Variants in SMYD3 observed in about 807,000 individuals in gnomAD.
SMYD3 encodes the protein SET and MYND domain containing 3, also known as histone-lysine N-methyltransferase SMYD3.
SMYD3 carries 36 observed loss-of-function variants against 57.7 expected under a neutral mutation model. The observed-to-expected ratio is 0.62, with a 90% confidence interval of 0.48 to 0.82. The LOEUF (loss-of-function observed/expected upper bound fraction) is 0.82. Among genes scored for constraint, SMYD3 ranks in the 40% least tolerant of loss-of-function variants. SMYD3 has a pLI of 0.00. For missense variants in SMYD3, 515 were observed against 538.8 expected (o/e 0.96, Z 0.44); for synonymous variants, 211 against 195.0 (o/e 1.08, Z -0.68).
intron 1 of SMYD3, among the ~76,000 whole-genome samples, chr1:246,357,912 A>C (rs1357476768): frequency 2.6e-5 from 4 of 152,298 alleles, no homozygotes; most frequent in African/African-American, 7.2e-5. Flanking sequence ...TAAAAAAAAC[A>C]CAAGGTATTC....
intron 5 of SMYD3, among the ~76,000 whole-genome samples, chr1:245,982,002 G>T (rs1039801018): frequency 2.0e-5 from 3 of 152,218 alleles, no homozygotes; most frequent in Admixed American, 2.0e-4. Context: ...AGCACGTGGG[G>T]TCTTCTTTTA....
At chr1:246,469,153 C>A (rs2067923632) in intron 1 of SMYD3, among the ~76,000 whole-genome samples, 1 of 152,192 alleles carries the variant, frequency 6.6e-6, no homozygotes, top group African/African-American at 2.4e-5. Flanking sequence ...GTCTCCTTGG[C>A]CACTCACTGG....
intron 7 of SMYD3, among the ~76,000 whole-genome samples, chr1:245,921,270 C>T (rs1430766978): frequency 6.6e-6 from 1 of 151,884 alleles, no homozygotes; most frequent in Non-Finnish European, 1.5e-5. Flanking sequence ...CTAAAAAGTC[C>T]AAAAATAACA....
At chr1:246,493,826 CCACAGAGCAGTACTG>C (rs1299378671) in intron 1 of SMYD3, among the ~76,000 whole-genome samples, 1 of 124,910 alleles carries the variant, frequency 8.0e-6, no homozygotes, top group Non-Finnish European at 1.8e-5. Context: ...TCACCCTTCA[CCACAGAGCAGTACTG>C]TCACCACTAT....
intron 1 of SMYD3, among the ~76,000 whole-genome samples, chr1:246,502,222 T>A (rs1180992755): frequency 6.6e-6 from 1 of 150,464 alleles, no homozygotes; most frequent in Non-Finnish European, 1.5e-5. Flanking sequence ...CACTGCAACC[T>A]CCACCTCCTG....
At chr1:246,006,786 T>C (rs1234906084) in intron 5 of SMYD3, among the ~76,000 whole-genome samples, 2 of 152,048 alleles carry the variant, frequency 1.3e-5, no homozygotes, top group Non-Finnish European at 2.9e-5. Flanking sequence ...CCCACAGCTA[T>C]ATTAACTGTG....
At position 246,327,304 on chromosome 1, in the gene SMYD3, C is replaced by T. The variant is rs2065371975; in HGVS notation, c.428G>A (p.Gly143Asp). 1.2e-6 allele frequency: 2 copies of T among 1,613,684 alleles called. No homozygotes were observed. The highest frequency in any genetic ancestry group is 1.7e-6 in the Non-Finnish European group (2 of 1,179,828). ...INKLTEDKKE[G>D]LRQLVMTFQH... Reference sequence around the variant, plus strand: ...AAATGTCATTACGAGTTGCCTGAGGCCCTCTTTCTTATCTTCAGTCAGTTT... The same window carrying T: ...AAATGTCATTACGAGTTGCCTGAGGTCCTCTTTCTTATCTTCAGTCAGTTT... The change falls in exon 5 of 12, where the codon GGC (glycine) becomes GAC (aspartate). Residue 143 changes from glycine to aspartate, a missense_variant. Physicochemically the swap from Gly to Asp is moderately conservative, Grantham distance 94. Coordinates refer to ENST00000490107, the MANE Select transcript of SMYD3 (RefSeq NM_001167740.2).
rs1156263510 is a variant in SMYD3 at position 246,481,606 on chromosome 1, A to AT, written c.164+25447dup. Among the ~76,000 whole-genome samples the AT allele has an allele frequency of 4.0e-4, 35 of 87,936 alleles. 2 individuals are homozygous for AT. The highest frequency in any genetic ancestry group is 1.9e-3 in the African/African-American group (35 of 18,550). The allele number at this position is 87,936 out of a possible 152,430, so 57.7% of individuals were successfully genotyped here. A position where few individuals can be genotyped will look rare whatever the true frequency, so the allele number is the denominator to read the frequency against. On this transcript the variant is annotated intron_variant, in intron 1 of 11. Transcript: ENST00000490107. ...CTTCTCAGGCTCCATATATATATAT[A>AT]TACACATACATATATACATACATAC...
chr1:245,885,924 T>C (rs1325646535), intron 8 of SMYD3, among the ~76,000 whole-genome samples: 2 of 152,206 alleles, frequency 1.3e-5, no homozygotes, highest in African/African-American at 2.4e-5. Flanking sequence ...GTTACTCCCA[T>C]TGGAGTACTC....
At chr1:246,033,743 C>T (rs754138820) in intron 5 of SMYD3, among the ~76,000 whole-genome samples, 12 of 152,220 alleles carry the variant, frequency 7.9e-5, no homozygotes, top group Non-Finnish European at 1.5e-4. Context: ...GCCAAGATCA[C>T]GCTACCGCAC....
intron 10 of SMYD3, among the ~76,000 whole-genome samples, chr1:245,801,595 C>T (rs1558355879): frequency 6.6e-6 from 1 of 152,046 alleles, no homozygotes; most frequent in Admixed American, 6.6e-5. Flanking sequence ...ATTTCTTCAT[C>T]TATAAAGTGT....
intron 1 of SMYD3, among the ~76,000 whole-genome samples, chr1:246,418,359 T>A (rs2067094079): frequency 6.6e-6 from 1 of 152,180 alleles, no homozygotes; most frequent in African/African-American, 2.4e-5. Flanking sequence ...GCCCTGCTGC[T>A]CAAACCTCTA....
At chr1:246,022,408 G>C (rs114144578) in intron 5 of SMYD3, among the ~76,000 whole-genome samples, 3 of 152,138 alleles carry the variant, frequency 2.0e-5, no homozygotes, top group Non-Finnish European at 1.5e-5. Context: ...GGGTAAGAAC[G>C]TGGGTTCTGG....
chr1:246,491,544 T>TAA (rs369181751), intron 1 of SMYD3, among the ~76,000 whole-genome samples: 25 of 93,612 alleles, frequency 2.7e-4, no homozygotes, highest in African/African-American at 9.9e-4. Flanking sequence ...TCGTCTCAAA[T>TAA]AAAAAAAAAA....
At chr1:245,903,010 T>A (rs1439170160) in intron 8 of SMYD3, among the ~76,000 whole-genome samples, 1 of 152,118 alleles carries the variant, frequency 6.6e-6, no homozygotes, top group Non-Finnish European at 1.5e-5. Flanking sequence ...AGGAAATCTA[T>A]GATATGCTTG....
At chr1:246,188,301 T>A (rs762775954) in intron 5 of SMYD3, among the ~76,000 whole-genome samples, 3 of 152,146 alleles carry the variant, frequency 2.0e-5, no homozygotes, top group Non-Finnish European at 4.4e-5. Context: ...CAGATTGGAC[T>A]CTGAAAAGAG....
At chr1:246,498,957 AT>A (rs1298919851) in intron 1 of SMYD3, among the ~76,000 whole-genome samples, 1 of 150,866 alleles carries the variant, frequency 6.6e-6, no homozygotes, top group African/African-American at 2.4e-5. Flanking sequence ...CACCCAGATA[AT>A]TTTTTGTTTT....
At chr1:246,174,409 A>G (rs2062397928) in intron 5 of SMYD3, among the ~76,000 whole-genome samples, 1 of 152,102 alleles carries the variant, frequency 6.6e-6, no homozygotes, top group Non-Finnish European at 1.5e-5. Flanking sequence ...TAACCAAAAC[A>G]TCATTATGCT....
chr1:245,980,690 C>T (rs2058574217), intron 5 of SMYD3, among the ~76,000 whole-genome samples: 1 of 152,246 alleles, frequency 6.6e-6, no homozygotes, highest in East Asian at 1.9e-4. Context: ...AGTAACTCTG[C>T]AACAGGCAGC....
Sources: allele counts gnomAD v4.1 joint callset (sites outside exome capture counted in the v4.1 genomes callset), GRCh38; gene constraint gnomAD v4.1.1; transcripts MANE v1.5; gene names NCBI Gene and HGNC (gene_info 2026-07-23, HGNC 2026-07-21).